The following IQCM variants were observed in gnomAD, a reference collection of about 807,000 sequenced individuals.
IQCM encodes IQ domain-containing protein M.
A neutral mutation model predicts 57.6 loss-of-function variants in IQCM; 45 were observed. That is an observed-to-expected ratio of 0.78 (90% confidence interval 0.62 to 1.00). The LOEUF is 1.00. Among genes scored for constraint, IQCM ranks in the 50% least tolerant of loss-of-function variants. The probability of loss-of-function intolerance (pLI) is 0.00; values close to 1 mark genes in which losing one functional copy is unlikely to be tolerated. For synonymous variants in IQCM, 148 were observed against 158.9 expected (o/e 0.93, Z 0.51); for missense variants, 468 against 511.6 (o/e 0.91, Z 0.82).
chr4:149,505,462 T>A (rs1428855282), intron 12 of IQCM, among the ~76,000 whole-genome samples: 1 of 152,208 alleles, frequency 6.6e-6, no homozygotes, highest in East Asian at 1.9e-4. Flanking sequence ...TTTCATCTTC[T>A]TTAAGATTCC....
chr4:149,588,307 G>A (rs1418789142), intron 8 of IQCM, among the ~76,000 whole-genome samples: 1 of 151,634 alleles, frequency 6.6e-6, no homozygotes, highest in African/African-American at 2.4e-5. Context: ...TCTTACAAAA[G>A]AGATTTAAGA....
chr4:149,499,676 C>G (rs1226836397), intron 12 of IQCM, among the ~76,000 whole-genome samples: 1 of 151,784 alleles, frequency 6.6e-6, no homozygotes, highest in Non-Finnish European at 1.5e-5. Flanking sequence ...AATGAAAGAT[C>G]TTAAAGACAT....
chr4:149,467,541 TG>T (rs1304286982), intron 12 of IQCM, among the ~76,000 whole-genome samples: 10 of 152,192 alleles, frequency 6.6e-5, no homozygotes, highest in Admixed American at 6.5e-4. Context: ...GTTGGAAACA[TG>T]ACATACTTAA....
rs527487490 is a variant in IQCM, at chr4:149,797,942, T to A, written c.-49+17369A>T. On this transcript the variant is annotated intron_variant, in intron 2 of 13. Coordinates refer to ENST00000636793, the MANE Select transcript of IQCM (RefSeq NM_001363507.2). ...GTCCTACAGGAAATGCTAAAGAGAG[T>A]ACTTCAATCAGAAAAAAAAAAGACA... Among the ~76,000 whole-genome samples the A allele has an allele frequency of 1.1e-3, 165 of 149,962 alleles. 2 individuals carry two copies. Among genetic ancestry groups the A allele is most frequent in the Admixed American group, 1.2e-3 (18 of 15,108 alleles).
chr4:149,766,668 AT>A (rs1394547747), intron 2 of IQCM, among the ~76,000 whole-genome samples: 1 of 152,138 alleles, frequency 6.6e-6, no homozygotes, highest in Non-Finnish European at 1.5e-5. Context: ...TTTTGTTAAC[AT>A]TTCTATTATT....
rs576427733 is a variant in IQCM, at chr4:149,374,900, T to G, written c.1391-22834A>C. 2.4e-4 allele frequency among the ~76,000 whole-genome samples: 36 copies of G among 152,144 alleles called. 1 individual carries two copies. Among genetic ancestry groups the G allele is most frequent in the Middle Eastern group, 3.4e-3 (1 of 294 alleles). On this transcript the variant is annotated intron_variant, in intron 13 of 13. Coordinates refer to ENST00000636793, the MANE Select transcript of IQCM (RefSeq NM_001363507.2). The stretch of plus-strand genomic sequence containing the variant: ...CTTTTGCTATAAAATGTAATTGTCT[T>G]CAAGACATGCGTATAAAAACTAGAG...
intron 12 of IQCM, among the ~76,000 whole-genome samples, chr4:149,523,265 A>G (rs1380599001): frequency 1.3e-5 from 2 of 152,198 alleles, no homozygotes; most frequent in African/African-American, 2.4e-5. Flanking sequence ...ACTGGGGATT[A>G]GGGTTACAGC....
chr4:149,489,117 C>T (rs1741825751), intron 12 of IQCM, among the ~76,000 whole-genome samples: 1 of 151,976 alleles, frequency 6.6e-6, no homozygotes, highest in Admixed American at 6.6e-5. Context: ...ACACTTTTGT[C>T]AACATCAAAT....
intron 12 of IQCM, among the ~76,000 whole-genome samples, chr4:149,511,065 T>G (rs1414119424): frequency 1.3e-5 from 2 of 152,214 alleles, no homozygotes; most frequent in Non-Finnish European, 2.9e-5. Context: ...CTCCTTAACA[T>G]GACCCCTAAG....
chr4:149,723,098 G>A (rs1225220337), intron 5 of IQCM, among the ~76,000 whole-genome samples: 1 of 151,982 alleles, frequency 6.6e-6, no homozygotes, highest in African/African-American at 2.4e-5. Context: ...GGTCATTGTT[G>A]GTGTATAGCA....
At chr4:149,747,668 T>C (rs1222424679) in intron 2 of IQCM, among the ~76,000 whole-genome samples, 3 of 152,094 alleles carry the variant, frequency 2.0e-5, no homozygotes, top group Non-Finnish European at 2.9e-5. Context: ...TAATCCAAAC[T>C]TGTGAGAGGG....
chr4:149,360,689 G>C (rs926233354), intron 13 of IQCM, among the ~76,000 whole-genome samples: 4 of 152,116 alleles, frequency 2.6e-5, no homozygotes, highest in African/African-American at 4.8e-5. Context: ...TTCTCTTGCT[G>C]CCACCATGTA....
intron 2 of IQCM, among the ~76,000 whole-genome samples, chr4:149,770,888 T>C (rs181259658): frequency 6.6e-6 from 1 of 152,018 alleles, no homozygotes; most frequent in Non-Finnish European, 1.5e-5. Flanking sequence ...AAGATGTCTA[T>C]TCTCAATACC....
chr4:149,388,175 T>C (rs976470553), intron 13 of IQCM, among the ~76,000 whole-genome samples: 1 of 151,892 alleles, frequency 6.6e-6, no homozygotes, highest in African/African-American at 2.4e-5. Flanking sequence ...CTGACTTATG[T>C]TTTCATTTTT....
At chr4:149,472,513 G>T (rs1739682365) in intron 12 of IQCM, among the ~76,000 whole-genome samples, 1 of 152,124 alleles carries the variant, frequency 6.6e-6, no homozygotes, top group African/African-American at 2.4e-5. Context: ...CCATGGATAG[G>T]AAGAATCAAT....
rs1749205270 is a variant in IQCM, at chr4:149,553,227, G to A, written c.1009C>T (p.Arg337Cys). ...CAAAGACCACGTCGATATCTAACAC[G>A]GTGGATTAGTCTGCCATACATGTTA... ...VINMYGRLIHRVRYRRGLWRT... is the reference protein window; with the variant it reads ...VINMYGRLIHCVRYRRGLWRT... Residue 337 changes from arginine to cysteine, a missense_variant, in exon 11 of 14, where the codon CGT (arginine) becomes TGT (cysteine). By Grantham distance (180) the Arg-to-Cys change is radical (BLOSUM62 -3). Transcript: ENST00000636793. 8.9e-6 allele frequency: 11 copies of A among 1,231,794 alleles called. No homozygotes were observed. The highest frequency in any genetic ancestry group is 6.3e-5 in the East Asian group (2 of 31,674). 76.3% of individuals were successfully genotyped at this position (1,231,794 alleles called of 1,614,324 possible).
intron 12 of IQCM, among the ~76,000 whole-genome samples, chr4:149,487,032 G>A (rs917764863): frequency 1.3e-5 from 2 of 152,106 alleles, no homozygotes; most frequent in Non-Finnish European, 2.9e-5. Flanking sequence ...CCACAGCTGG[G>A]AATGTTCTGG....
intron 2 of IQCM, among the ~76,000 whole-genome samples, chr4:149,770,722 A>G (rs1039804600): frequency 3.9e-5 from 6 of 152,106 alleles, no homozygotes; most frequent in African/African-American, 1.4e-4. Context: ...ACAAAATTCA[A>G]TATTCATTCT....
At chr4:149,399,834 C>CA (rs1732488165) in intron 13 of IQCM, among the ~76,000 whole-genome samples, 2 of 152,086 alleles carry the variant, frequency 1.3e-5, no homozygotes, top group Non-Finnish European at 2.9e-5. Flanking sequence ...GTGCTTAGCA[C>CA]AGTGCCTAAA....
Sources: gnomAD v4.1 joint callset for allele counts (sites outside exome capture counted in the v4.1 genomes callset) on GRCh38, gnomAD v4.1.1 for gene constraint, MANE v1.5 for transcripts, NCBI Gene and HGNC (gene_info 2026-07-23, HGNC 2026-07-21) for gene names.